CFAP70: variants seen among roughly 807,000 people sequenced by gnomAD.
CFAP70 encodes the protein cilia- and flagella-associated protein 70.
Under a neutral mutation model 137.6 loss-of-function variants are expected in CFAP70, and 81 were observed. The ratio of observed to expected loss-of-function variants is 0.59; its 90% confidence interval spans 0.49 to 0.71. The LOEUF is 0.71. Ranked by LOEUF, CFAP70 falls within the 30% of genes least tolerant of loss-of-function variation. The pLI is 0.00. For synonymous variants in CFAP70, 382 were observed against 423.6 expected (o/e 0.90, Z 1.20); for missense variants, 976 against 1,226.7 (o/e 0.80, Z 3.05).
Position 73,345,106 on chromosome 10 carries a change from G to GC in CFAP70, c.357dup (p.Gln120AlafsTer22). ...ACTTGCAGACCGACCATGTAGTTCT[G>GC]CCCAGGACCTGTTGGAATGAAGGAT... is the stretch of plus-strand genomic sequence containing the variant. On this transcript the variant is annotated frameshift_variant, in exon 5 of 27. Transcript: ENST00000310715. LOFTEE classifies it high-confidence loss of function. 4.3e-6 allele frequency: 7 copies of GC among 1,614,104 alleles called. No individual in the cohort carries two copies. The highest frequency in any genetic ancestry group is 5.9e-6 in the Non-Finnish European group (7 of 1,180,030).
chr10:73,317,378 T>C (rs2050480308), intron 9 of CFAP70, among the ~76,000 whole-genome samples: 2 of 152,208 alleles, frequency 1.3e-5, no homozygotes, highest in South Asian at 4.1e-4. Flanking sequence ...GAATTTTGCA[T>C]ATGTTATTCC....
intron 19 of CFAP70, among the ~76,000 whole-genome samples, chr10:73,279,448 C>A (rs572959387): frequency 1.3e-5 from 2 of 151,416 alleles, no homozygotes; most frequent in Non-Finnish European, 2.9e-5. Flanking sequence ...GGCGTGAACC[C>A]GGGAGGCAGA....
intron 9 of CFAP70, among the ~76,000 whole-genome samples, chr10:73,320,699 C>T (rs1416838066): frequency 3.3e-5 from 5 of 150,890 alleles, no homozygotes; most frequent in Admixed American, 2.6e-4. Context: ...GAGGGAGTCT[C>T]GCTCTGTCTC....
chr10:73,285,264 G>C (rs2047605648), intron 19 of CFAP70, among the ~76,000 whole-genome samples: 3 of 152,158 alleles, frequency 2.0e-5, no homozygotes, highest in Admixed American at 2.0e-4. Context: ...GAGACTTCCA[G>C]TTAAACAGAG....
chr10:73,291,169 C>T (rs2048151748), intron 19 of CFAP70, 57 bp downstream of exon 20: 1 of 1,527,532 alleles, frequency 6.5e-7, no homozygotes. Context: ...TGTGAGCCAC[C>T]ACACCTGGCA....
chr10:73,299,624 C>T lies in CFAP70; in HGVS notation c.1298G>A (p.Arg433Gln), dbSNP rs551063949. Residue 433 changes from arginine to glutamine, a missense_variant, in exon 13 of 27, where the codon CGG becomes CAG. By Grantham distance (43) the Arg-to-Gln change is conservative. Transcript: ENST00000310715. ...ACTTGCCTTCTGAGCTCCTCCTGTC[C>T]GACGGGTAAGAGGAGGCCTTGGAGG... The T allele has an allele frequency of 2.2e-5, 35 of 1,613,000 alleles. 1 individual carries two copies. Among genetic ancestry groups the T allele is most frequent in the South Asian group, 6.6e-5 (6 of 90,966 alleles).
intron 7 of CFAP70, among the ~76,000 whole-genome samples, chr10:73,331,689 AT>A (rs1248037240): frequency 4.0e-5 from 6 of 151,836 alleles, no homozygotes; most frequent in Non-Finnish European, 8.8e-5. Flanking sequence ...CAAAAAAAAA[AT>A]TTTTTTTCTT....
intron 16 of CFAP70, 85 bp downstream of exon 17, chr10:73,293,178 A>G (rs2048300383): frequency 7.0e-7 from 1 of 1,434,026 alleles, no homozygotes. Flanking sequence ...TCACCAATCA[A>G]GTTGGATTTT....
intron 9 of CFAP70, among the ~76,000 whole-genome samples, chr10:73,316,096 T>C (rs959843174): frequency 2.0e-5 from 3 of 152,154 alleles, no homozygotes; most frequent in Non-Finnish European, 4.4e-5. Flanking sequence ...GTAATATGTA[T>C]TTCTAGTCTT....
intron 6 of CFAP70, among the ~76,000 whole-genome samples, chr10:73,338,099 A>C (rs2052863067): frequency 6.6e-6 from 1 of 151,628 alleles, no homozygotes. Flanking sequence ...TTGACCCTTG[A>C]ACAACACAAT....
At position 73,353,399 on chromosome 10, in the gene CFAP70, C is replaced by T. The variant is rs578260420; in HGVS notation, c.250+157G>A. On this transcript the variant is annotated intron_variant, in intron 3 of 26. Transcript: ENST00000310715. ...GCAGCTGTTCAAGATTTTCACGTTTCAGTTCCTGCCTTGCTTCTGGGAACA... is the reference window on the plus strand; with the variant it reads ...GCAGCTGTTCAAGATTTTCACGTTTTAGTTCCTGCCTTGCTTCTGGGAACA... Among the ~76,000 whole-genome samples the T allele has an allele frequency of 1.7e-3, 264 of 152,326 alleles. 2 individuals carry two copies. Among genetic ancestry groups the T allele is most frequent in the African/African-American group, 6.0e-3 (249 of 41,566 alleles).
intron 8 of CFAP70, among the ~76,000 whole-genome samples, chr10:73,324,979 C>A (rs2051254403): frequency 6.6e-6 from 1 of 152,132 alleles, no homozygotes; most frequent in Non-Finnish European, 1.5e-5. Flanking sequence ...TCAGGAAATA[C>A]AGAGAATGCC....
chr10:73,269,454 C>A (rs903216016), intron 25 of CFAP70, among the ~76,000 whole-genome samples, 160 bp downstream of exon 26: 3 of 152,176 alleles, frequency 2.0e-5, no homozygotes, highest in Non-Finnish European at 4.4e-5. Flanking sequence ...GTACAGCCTG[C>A]CCAGACTTGG....
At position 73,348,355 on chromosome 10, in the gene CFAP70, T is replaced by A; in HGVS notation, c.349+68A>T. On this transcript the variant is annotated intron_variant, in intron 4 of 26. Transcript: ENST00000310715. Reference sequence around the variant, plus strand: ...CCTCAAATTCATTGAGGCTAATTTCTATATCTCTCTGGGGCTAAGTTTTAT... The same window carrying A: ...CCTCAAATTCATTGAGGCTAATTTCAATATCTCTCTGGGGCTAAGTTTTAT... The A allele has an allele frequency of 2.6e-6, 4 of 1,549,538 alleles. 1 individual carries two copies. In the South Asian group the frequency reaches 4.5e-5, roughly 17 times the overall value.
rs1052539059 is a variant in CFAP70 at position 73,273,279 on chromosome 10, A to T, written c.2836-262T>A. ...AGTCTCTGTAAGAGTTGAGGCAAGG[A>T]GTTACACTGAAAGTGGGGGCAACCA... is the stretch of plus-strand genomic sequence containing the variant. On this transcript the variant is annotated intron_variant, in intron 23 of 26. Transcript: ENST00000310715. Among the ~76,000 whole-genome samples, 11 of 152,230 alleles carry T rather than the reference A, an allele frequency of 7.2e-5. 1 individual carries two copies. In the East Asian group the frequency reaches 1.7e-3, roughly 24 times the overall value.
chr10:73,290,044 C>CAA lies in CFAP70; in HGVS notation c.2239+1180_2239+1181dup, dbSNP rs397847750. Among the ~76,000 whole-genome samples, 20 of 72,206 alleles carry CAA rather than the reference C, an allele frequency of 2.8e-4. 1 individual carries two copies. The highest frequency in any genetic ancestry group is 1.6e-3 in the South Asian group (3 of 1,900). The allele number at this position is 72,206 out of a possible 152,430, so 47.4% of individuals were successfully genotyped here. A position where few individuals can be genotyped will look rare whatever the true frequency, so the allele number is the denominator to read the frequency against. The stretch of plus-strand genomic sequence containing the variant: ...TGGGTGACAGAGCAAGACTCCATCT[C>CAA]AAAAAAAAAAAAAAAAGACTTGTAG... On this transcript the variant is annotated intron_variant, in intron 19 of 26. Coordinates refer to ENST00000310715, the Ensembl canonical transcript of CFAP70.
intron 25 of CFAP70, among the ~76,000 whole-genome samples, chr10:73,264,118 A>C (rs2045535951): frequency 1.3e-5 from 2 of 152,112 alleles, no homozygotes; most frequent in South Asian, 4.1e-4. Context: ...GATATGTGCC[A>C]GTCTTTCTTT....
At chr10:73,336,181 T>A (rs531837687) in intron 6 of CFAP70, among the ~76,000 whole-genome samples, 2 of 152,176 alleles carry the variant, frequency 1.3e-5, no homozygotes, top group Non-Finnish European at 2.9e-5. Flanking sequence ...TGGTACTATT[T>A]TAAAAGTAAA....
intron 8 of CFAP70, among the ~76,000 whole-genome samples, chr10:73,328,405 T>G (rs915549609): frequency 1.5e-4 from 23 of 151,126 alleles, no homozygotes; most frequent in African/African-American, 5.6e-4. Flanking sequence ...AACCTAGGCA[T>G]TACCATTCAG....
Sources: gnomAD v4.1 joint callset for allele counts (sites outside exome capture counted in the v4.1 genomes callset) on GRCh38, gnomAD v4.1.1 for gene constraint, MANE v1.5 for transcripts, NCBI Gene and HGNC (gene_info 2026-07-23, HGNC 2026-07-21) for gene names.